ADGRB3: variants seen among roughly 807,000 people sequenced by gnomAD.
The protein encoded by ADGRB3 is brain-specific angiogenesis inhibitor 3.
In ADGRB3, 37 loss-of-function variants were observed where a neutral mutation model predicts 193.4. The observed-to-expected ratio is 0.19, with a 90% CI of 0.15 to 0.25. The LOEUF is 0.25. Among genes scored for constraint, ADGRB3 ranks in the 10% least tolerant of loss-of-function variants. ADGRB3 has a pLI of 1.00. For synonymous variants in ADGRB3, 690 were observed against 644.2 expected (o/e 1.07, Z -1.08); for missense variants, 1,637 against 1,852.9 (o/e 0.88, Z 2.14).
chr6:69,129,601 A>C (rs1773950469), intron 17 of ADGRB3, among the ~76,000 whole-genome samples: 2 of 152,082 alleles, frequency 1.3e-5, no homozygotes, highest in South Asian at 4.2e-4. Context: ...ATAAAATTAA[A>C]ACGTTTCATT....
chr6:68,773,553 A>G (rs1326818709), intron 3 of ADGRB3, among the ~76,000 whole-genome samples: 3 of 152,162 alleles, frequency 2.0e-5, no homozygotes, highest in Admixed American at 6.6e-5. Flanking sequence ...CTGTACTAAC[A>G]CTAGAGATTT....
intron 20 of ADGRB3, among the ~76,000 whole-genome samples, chr6:69,287,824 A>G (rs1767584599): frequency 6.6e-6 from 1 of 152,206 alleles, no homozygotes; most frequent in Non-Finnish European, 1.5e-5. Flanking sequence ...TTTAATTTGA[A>G]TCTTTTCCAT....
chr6:69,150,568 T>C (rs1561935087), intron 17 of ADGRB3, among the ~76,000 whole-genome samples: 1 of 152,216 alleles, frequency 6.6e-6, no homozygotes, highest in Non-Finnish European at 1.5e-5. Context: ...GGCCTGGAAC[T>C]GGGGACCCCA....
At chr6:68,705,300 T>G (rs1421783454) in intron 3 of ADGRB3, among the ~76,000 whole-genome samples, 1 of 152,138 alleles carries the variant, frequency 6.6e-6, no homozygotes, top group Non-Finnish European at 1.5e-5. Flanking sequence ...TCTCCAGTGC[T>G]TATCCATTGC....
intron 10 of ADGRB3, among the ~76,000 whole-genome samples, chr6:68,979,565 G>A (rs899373563): frequency 7.3e-5 from 11 of 151,450 alleles, no homozygotes; most frequent in Admixed American, 4.6e-4. Flanking sequence ...AGTGCTAAAC[G>A]TTGTGAGATT....
At chr6:68,995,512 T>A (rs1006152271) in intron 11 of ADGRB3, among the ~76,000 whole-genome samples, 2 of 152,192 alleles carry the variant, frequency 1.3e-5, no homozygotes, top group Non-Finnish European at 1.5e-5. Flanking sequence ...CAATGAAAAA[T>A]TCCATTAACC....
intron 17 of ADGRB3, among the ~76,000 whole-genome samples, chr6:69,231,901 A>G (rs896586044): frequency 6.6e-6 from 1 of 152,188 alleles, no homozygotes; most frequent in Non-Finnish European, 1.5e-5. Flanking sequence ...GGTAGATACC[A>G]AAAAAGGATG....
intron 13 of ADGRB3, among the ~76,000 whole-genome samples, chr6:69,027,364 G>A (rs1770466034): frequency 6.6e-6 from 1 of 152,016 alleles, no homozygotes; most frequent in Admixed American, 6.6e-5. Context: ...CATGGAGCTG[G>A]CATCTCCTAT....
At chr6:69,031,037 CTCTCTTCTCTTCTCTTCTCTTCTCT>C (rs749578717) in intron 13 of ADGRB3, among the ~76,000 whole-genome samples, 729 of 36,544 alleles carry the variant, frequency 0.02, 84 homozygotes, top group African/African-American at 0.053. Context: ...CTCTTCTCTT[CTCTCTTCTCTTCTCTTCTCTTCTCT>C]TCTCTTCTCT....
intron 3 of ADGRB3, among the ~76,000 whole-genome samples, chr6:68,660,320 G>A (rs1768596984): frequency 6.7e-6 from 1 of 148,582 alleles, no homozygotes; most frequent in Non-Finnish European, 1.5e-5. Context: ...TCTTTTTTAT[G>A]TATCACTTCC....
At chr6:68,806,109 A>T (rs1415876364) in intron 3 of ADGRB3, among the ~76,000 whole-genome samples, 1 of 152,244 alleles carries the variant, frequency 6.6e-6, no homozygotes, top group Non-Finnish European at 1.5e-5. Flanking sequence ...GAAATAAACA[A>T]CTATTGAATG....
chr6:69,249,681 T>A (rs1365536603), intron 20 of ADGRB3, among the ~76,000 whole-genome samples: 2 of 152,166 alleles, frequency 1.3e-5, no homozygotes, highest in Admixed American at 1.3e-4. Flanking sequence ...ACCCTAAAAT[T>A]TGGATTGTTA....
chr6:69,002,287 C>T (rs1396061454), intron 11 of ADGRB3, among the ~76,000 whole-genome samples: 2 of 149,762 alleles, frequency 1.3e-5, no homozygotes, highest in East Asian at 2.0e-4. Flanking sequence ...GGCATGATCT[C>T]GGCTCACTGC....
intron 20 of ADGRB3, among the ~76,000 whole-genome samples, chr6:69,322,827 T>G (rs896250986): frequency 6.6e-6 from 1 of 151,950 alleles, no homozygotes; most frequent in African/African-American, 2.4e-5. Flanking sequence ...TTGGAGCAAT[T>G]TAAGGATAAA....
chr6:69,100,231 AATATATTTTAT>A (rs1421927094), intron 17 of ADGRB3, among the ~76,000 whole-genome samples: 2 of 152,134 alleles, frequency 1.3e-5, no homozygotes, highest in African/African-American at 4.8e-5. Flanking sequence ...ATAACTTTTA[AATATATTTTAT>A]ATATTCACGC....
intron 3 of ADGRB3, among the ~76,000 whole-genome samples, chr6:68,901,341 ATGATAGCTGG>A (rs1242804194): frequency 6.6e-6 from 1 of 152,152 alleles, no homozygotes; most frequent in African/African-American, 2.4e-5. Flanking sequence ...GCCTCAGAAC[ATGATAGCTGG>A]CTTTTTCCGG....
chr6:69,324,355 G>A (rs1768523388), intron 20 of ADGRB3, among the ~76,000 whole-genome samples: 1 of 152,046 alleles, frequency 6.6e-6, no homozygotes, highest in Admixed American at 6.6e-5. Flanking sequence ...GTACTTTGCT[G>A]TTACACCTTG....
intron 16 of ADGRB3, among the ~76,000 whole-genome samples, chr6:69,073,899 G>T (rs994077358): frequency 3.3e-5 from 5 of 152,192 alleles, no homozygotes; most frequent in African/African-American, 1.2e-4. Context: ...CTGGAGGAGA[G>T]AAGATGATCT....
At chr6:69,345,222 T>G (rs1769059545) in intron 26 of ADGRB3, among the ~76,000 whole-genome samples, 1 of 152,128 alleles carries the variant, frequency 6.6e-6, no homozygotes, top group African/African-American at 2.4e-5. Flanking sequence ...TTCTAACATT[T>G]TGAGCTTGCT....
Sources: allele counts gnomAD v4.1 joint callset (sites outside exome capture counted in the v4.1 genomes callset), GRCh38; gene constraint gnomAD v4.1.1; transcripts MANE v1.5; gene names NCBI Gene and HGNC (gene_info 2026-07-23, HGNC 2026-07-21).